Variants in TAF1B observed in about 807,000 individuals in gnomAD.
TAF1B encodes the protein TATA box-binding protein-associated factor RNA polymerase I subunit B.
A neutral mutation model predicts 83.9 loss-of-function variants in TAF1B; 61 were observed. The ratio of observed to expected loss-of-function variants is 0.73; its 90% confidence interval spans 0.59 to 0.90. The LOEUF is 0.90. Ranked by LOEUF, TAF1B falls within the 40% of genes least tolerant of loss-of-function variation. The pLI is 0.00. For missense variants in TAF1B, 625 were observed against 677.0 expected, an observed-to-expected ratio of 0.92 and a Z score of 0.85; for synonymous variants, 221 against 224.6, an observed-to-expected ratio of 0.98 and a Z score of 0.14.
chr2:9,933,966 G>A lies in TAF1B; in HGVS notation c.1749G>A (p.Lys583=). Residue 583 remains lysine (K), a synonymous_variant, in exon 15 of 15, where the codon AAG becomes AAA. Transcript: ENST00000263663. ...TAAAAAGAAAGAAATCAAGATCCAA[G>A]AAAGTGAGACGACATTGAGAAAATG... The part of the protein sequence containing the change: ...YSVKRKKSRS[K]KVRRH 1 of 1,601,340 alleles carries A rather than the reference G, an allele frequency of 6.2e-7. No homozygotes were observed.
At chr2:9,861,593 G>C (rs1663761852) in intron 5 of TAF1B, among the ~76,000 whole-genome samples, 1 of 152,232 alleles carries the variant, frequency 6.6e-6, no homozygotes, top group African/African-American at 2.4e-5. Context: ...GCTTTGAAGA[G>C]AGCAGTGGTT....
chr2:9,882,409 C>CT (rs546260391), intron 7 of TAF1B, among the ~76,000 whole-genome samples: 200 of 152,298 alleles, frequency 1.3e-3, no homozygotes, highest in African/African-American at 4.5e-3. Context: ...AGTCTTACTG[C>CT]TGCTGCCTCC....
chr2:9,846,076 T>G (rs1383210351), intron 2 of TAF1B: 3 of 470,920 alleles, frequency 6.4e-6, no homozygotes, highest in Admixed American at 4.7e-5. Flanking sequence ...GATTACAAAG[T>G]TTTTGGATCC....
intron 7 of TAF1B, among the ~76,000 whole-genome samples, chr2:9,876,706 T>A (rs1664330606): frequency 6.6e-6 from 1 of 152,228 alleles, no homozygotes. Context: ...ACCAAACTGC[T>A]GGGTTTGAAT....
chr2:9,868,201 A>T, intron 5 of TAF1B, 75 bp from the exon 6 acceptor site: 1 of 1,464,196 alleles, frequency 6.8e-7, no homozygotes, highest in Non-Finnish European at 9.4e-7. Context: ...TTGTGATAGG[A>T]GTTGTTTAAG....
At chr2:9,932,182 T>A (rs1451233935) in intron 14 of TAF1B, among the ~76,000 whole-genome samples, 2 of 152,236 alleles carry the variant, frequency 1.3e-5, no homozygotes, top group East Asian at 1.9e-4. Flanking sequence ...CTCGTCAAAG[T>A]CATTCTCCAT....
chr2:9,919,828 T>TG lies in TAF1B; in HGVS notation c.1565+9dup. On this transcript the variant is annotated intron_variant, in intron 14 of 14. Coordinates refer to ENST00000263663, the MANE Select transcript of TAF1B (RefSeq NM_005680.3). ...ACAGAAATTCTGCAGATGGTAATAA[T>TG]GCTTTTAGAAAAAGTCACATATAAT... The TG allele has an allele frequency of 6.2e-7, 1 of 1,609,784 alleles. No individual in the cohort carries two copies. The highest frequency in any genetic ancestry group is 1.3e-5 in the African/African-American group (1 of 74,884).
chr2:9,926,771 A>G (rs10183503), intron 14 of TAF1B, among the ~76,000 whole-genome samples: 47,872 of 146,922 alleles, frequency 0.33, 9,650 homozygotes, highest in African/African-American at 0.58. Context: ...CCTGGGAGGC[A>G]GAGGTTGCAG....
intron 5 of TAF1B, among the ~76,000 whole-genome samples, chr2:9,865,189 C>G (rs563646088): frequency 1.2e-4 from 18 of 152,220 alleles, no homozygotes; most frequent in Non-Finnish European, 2.4e-4. Flanking sequence ...GTCTAGAGAA[C>G]CCCATTGTCT....
chr2:9,888,870 C>T (rs1287652033), intron 8 of TAF1B, among the ~76,000 whole-genome samples: 1 of 144,006 alleles, frequency 6.9e-6, no homozygotes, highest in Non-Finnish European at 1.5e-5. Flanking sequence ...GTGGCATGAT[C>T]CCGGCTCACT....
intron 14 of TAF1B, among the ~76,000 whole-genome samples, chr2:9,921,203 C>G (rs1167416634): frequency 1.3e-5 from 2 of 152,094 alleles, no homozygotes; most frequent in African/African-American, 4.8e-5. Flanking sequence ...GCAATCCTCC[C>G]ACCTCAGCCT....
intron 8 of TAF1B, among the ~76,000 whole-genome samples, chr2:9,886,829 G>A (rs1391695723): frequency 6.6e-6 from 1 of 152,210 alleles, no homozygotes; most frequent in Admixed American, 6.5e-5. Context: ...CACTTTGGGA[G>A]GCCGAGGCAG....
rs573376839 is a variant in TAF1B at position 9,870,902 on chromosome 2, A to G, written c.553+2473A>G. Among the ~76,000 whole-genome samples, 120 of 152,238 alleles carry G rather than the reference A, an allele frequency of 7.9e-4. 2 individuals carry two copies. Among genetic ancestry groups the G allele is most frequent in the African/African-American group, 2.7e-3 (112 of 41,542 alleles). ...TTATTTAGTTTTCTGTTTATTACTAATCCATAATTTATTACTAATGTATCT... is the reference window on the plus strand; with the variant it reads ...TTATTTAGTTTTCTGTTTATTACTAGTCCATAATTTATTACTAATGTATCT... On this transcript the variant is annotated intron_variant, in intron 6 of 14. Transcript: ENST00000263663.
At position 9,875,934 on chromosome 2, in the gene TAF1B, A is replaced by G. The variant is rs1275945631; in HGVS notation, c.623A>G (p.Lys208Arg). The change falls in exon 7 of 15, where the codon AAG (lysine) becomes AGG (arginine). Residue 208 changes from lysine to arginine, a missense_variant. Physicochemically the swap from Lys to Arg is conservative, Grantham distance 26 (BLOSUM62 2). Coordinates refer to ENST00000263663, the MANE Select transcript of TAF1B (RefSeq NM_005680.3). Reference sequence around the variant, plus strand: ...CAACGAAAGGAGAAGGGAATCGTGAAGATGACCATGCCACAGACACTTGCC... The same window carrying G: ...CAACGAAAGGAGAAGGGAATCGTGAGGATGACCATGCCACAGACACTTGCC... ...YSQRKEKGIV[K>R]MTMPQTLAFC... 6.2e-7 allele frequency: 1 copy of G among 1,613,778 alleles called. No homozygotes were observed.
chr2:9,870,148 TAA>T (rs1201134708), intron 6 of TAF1B, among the ~76,000 whole-genome samples: 3 of 152,176 alleles, frequency 2.0e-5, no homozygotes, highest in African/African-American at 7.2e-5. Flanking sequence ...AATCATTCTA[TAA>T]GTCTTGTTAT....
At chr2:9,851,878 G>C (rs1663407968) in intron 4 of TAF1B, 1 of 631,076 alleles carries the variant, frequency 1.6e-6, no homozygotes, top group Admixed American at 2.1e-5. Context: ...CAGATACTTA[G>C]GAAACAACAG....
chr2:9,862,122 G>T (rs539094125), intron 5 of TAF1B, among the ~76,000 whole-genome samples: 31 of 152,234 alleles, frequency 2.0e-4, no homozygotes, highest in Admixed American at 5.2e-4. Context: ...AGAGAAGAAG[G>T]CTTCAGAAGA....
chr2:9,921,055 T>C (rs183109785), intron 14 of TAF1B, among the ~76,000 whole-genome samples: 8 of 152,340 alleles, frequency 5.3e-5, no homozygotes, highest in African/African-American at 1.2e-4. Flanking sequence ...AGAAGAGTTA[T>C]ATATTCCCTA....
intron 14 of TAF1B, among the ~76,000 whole-genome samples, chr2:9,921,074 C>T (rs1665864125): frequency 6.6e-6 from 1 of 151,910 alleles, no homozygotes; most frequent in Non-Finnish European, 1.5e-5. Flanking sequence ...TATAAACGGT[C>T]GATATTGGAA....
Sources: gnomAD v4.1 joint callset for allele counts (sites outside exome capture counted in the v4.1 genomes callset) on GRCh38, gnomAD v4.1.1 for gene constraint, MANE v1.5 for transcripts, NCBI Gene and HGNC (gene_info 2026-07-23, HGNC 2026-07-21) for gene names.